IFNLR1: variants seen among roughly 807,000 people sequenced by gnomAD.
The protein encoded by IFNLR1 is interferon lambda receptor 1, also known as CRF2-12.
Under a neutral mutation model 52.5 loss-of-function variants are expected in IFNLR1, and 28 were observed. The observed-to-expected ratio is 0.53, with a 90% CI of 0.40 to 0.73. The LOEUF (loss-of-function observed/expected upper bound fraction) is 0.73, where lower values mean the gene tolerates loss of function less well. Ranked by LOEUF, IFNLR1 falls within the 30% of genes least tolerant of loss-of-function variation. The pLI is 0.00. For synonymous variants in IFNLR1, 276 were observed against 274.9 expected, an observed-to-expected ratio of 1.00 and a Z score of -0.04; for missense variants, 623 against 659.1, an observed-to-expected ratio of 0.95 and a Z score of 0.60.
At chr1:24,176,371 G>A (rs61669188) in intron 2 of IFNLR1, among the ~76,000 whole-genome samples, 14,789 of 152,220 alleles carry the variant, frequency 0.097, 1,989 homozygotes, top group African/African-American at 0.3. Flanking sequence ...GAACTTTCTG[G>A]GGTGATAGAG....
intron 3 of IFNLR1, among the ~76,000 whole-genome samples, chr1:24,167,852 G>A (rs146146614): frequency 0.01 from 1,585 of 151,832 alleles, 34 homozygotes; most frequent in African/African-American, 0.036. Context: ...ACATCATCAC[G>A]CCCAACTAAT....
chr1:24,172,835 A>C (rs986549692), intron 2 of IFNLR1, among the ~76,000 whole-genome samples: 6 of 152,284 alleles, frequency 3.9e-5, no homozygotes, highest in African/African-American at 1.4e-4. Context: ...GTTTCTACTG[A>C]GGCCTCTCTC....
chr1:24,166,019 G>A (rs1644515789), intron 3 of IFNLR1, among the ~76,000 whole-genome samples: 1 of 152,104 alleles, frequency 6.6e-6, no homozygotes, highest in Non-Finnish European at 1.5e-5. Flanking sequence ...ATTCAGGGAG[G>A]AGGCAAAAAA....
At chr1:24,164,507 A>C (rs749891305) in intron 3 of IFNLR1, among the ~76,000 whole-genome samples, 35 of 152,198 alleles carry the variant, frequency 2.3e-4, no homozygotes, top group Admixed American at 7.9e-4. Context: ...TTATTAGATA[A>C]AAGCCAGGTC....
Position 24,157,213 on chromosome 1 carries a change from TGTC to T in IFNLR1, c.1477_1479del (p.Asp493del), listed in dbSNP as rs755784034. On this transcript the variant is annotated inframe_deletion, in exon 7 of 7. Transcript: ENST00000327535. This position sits in a 1 kb window ranked among gnomAD's most constrained non-coding sequence, Gnocchi z 5.1. ...TCAGCCCCCCAGCTGCCCGCATCGCTGTCCTCAATTTCTGATTCCCTCGCCTCC... is the reference window on the plus strand; with the variant it reads ...TCAGCCCCCCAGCTGCCCGCATCGCTCTCAATTTCTGATTCCCTCGCCTCC... 11 of 1,614,072 alleles carry T rather than the reference TGTC, an allele frequency of 6.8e-6. No homozygotes were observed. In the Admixed American group the frequency reaches 1.3e-4, roughly 20 times the overall value.
intron 2 of IFNLR1, among the ~76,000 whole-genome samples, chr1:24,174,796 T>C (rs6662195): frequency 0.054 from 8,237 of 151,960 alleles, 653 homozygotes; most frequent in African/African-American, 0.18. Flanking sequence ...AGAAGAGATA[T>C]ATGAAAAGAA....
intron 2 of IFNLR1, 28 bp downstream of exon 2, chr1:24,180,703 A>G (rs1429010362): frequency 1.1e-5 from 5 of 455,116 alleles, no homozygotes; most frequent in Non-Finnish European, 1.7e-5. Flanking sequence ...CAGTCTTCCC[A>G]TCCACCAGCC....
chr1:24,184,178 G>A (rs576559434), intron 1 of IFNLR1, among the ~76,000 whole-genome samples: 5 of 152,168 alleles, frequency 3.3e-5, no homozygotes, highest in South Asian at 2.1e-4. Flanking sequence ...CTTTGCACAC[G>A]CTGTTCCCTC....
intron 1 of IFNLR1, 53 bp downstream of exon 1, chr1:24,187,138 G>T: frequency 8.2e-7 from 1 of 1,218,088 alleles, no homozygotes; most frequent in Non-Finnish European, 1.1e-6. Context: ...GGTAGGCGCG[G>T]CCCGGCCCGG....
Position 24,158,919 on chromosome 1 carries a change from GAC to G in IFNLR1, c.801+131_801+132del, listed in dbSNP as rs1557641236. 8.7e-5 allele frequency: 84 copies of G among 963,138 alleles called. 1 individual carries two copies. In the East Asian group the frequency reaches 2.0e-3, roughly 23 times the overall value. 59.7% of individuals were successfully genotyped at this position (963,138 alleles called of 1,614,324 possible). Reference sequence around the variant, plus strand: ...ATGCATTACTAATGGTGGAAATTCAGACACAAAGATAGATGTTTTGGTCCAAG... The same window carrying G: ...ATGCATTACTAATGGTGGAAATTCAGACAAAGATAGATGTTTTGGTCCAAG... On this transcript the variant is annotated intron_variant, in intron 6 of 6. Transcript: ENST00000327535.
chr1:24,178,515 T>C (rs1644657463), intron 2 of IFNLR1, among the ~76,000 whole-genome samples: 1 of 152,112 alleles, frequency 6.6e-6, no homozygotes, highest in African/African-American at 2.4e-5. Flanking sequence ...TGGAAAGGTA[T>C]CTGTTAAATC....
intron 1 of IFNLR1, among the ~76,000 whole-genome samples, chr1:24,184,016 C>T (rs1644714559): frequency 1.3e-5 from 2 of 152,172 alleles, no homozygotes; most frequent in African/African-American, 4.8e-5. Context: ...AGGCCTGAGC[C>T]ACTGTGCCTG....
chr1:24,186,948 T>C (rs2148606303), intron 1 of IFNLR1, among the ~76,000 whole-genome samples: 1 of 152,366 alleles, frequency 6.6e-6, no homozygotes, highest in African/African-American at 2.4e-5. Flanking sequence ...TTTTCTCCAG[T>C]TCTCCTGAAG....
chr1:24,175,372 TAAAATC>T (rs958121559), intron 2 of IFNLR1, among the ~76,000 whole-genome samples: 2 of 152,258 alleles, frequency 1.3e-5, no homozygotes, highest in Non-Finnish European at 1.5e-5. Flanking sequence ...TCTTGAAACT[TAAAATC>T]TAATGGAATT....
chr1:24,177,850 T>G (rs954899480), intron 2 of IFNLR1, among the ~76,000 whole-genome samples: 1 of 152,114 alleles, frequency 6.6e-6, no homozygotes, highest in Admixed American at 6.6e-5. Flanking sequence ...TTCTATCATG[T>G]CCCCTGTCCT....
intron 1 of IFNLR1, among the ~76,000 whole-genome samples, chr1:24,181,463 A>G (rs529064048): frequency 1.2e-4 from 18 of 152,272 alleles, no homozygotes; most frequent in South Asian, 8.3e-4. Flanking sequence ...GGATCATTCA[A>G]GCATTTGCCC....
rs368532574 is a variant in IFNLR1, at chr1:24,157,718, G to A, written c.975C>T (p.Asp325=). 1.7e-5 allele frequency: 27 copies of A among 1,613,990 alleles called. No homozygotes were observed. The highest frequency in any genetic ancestry group is 2.7e-5 in the African/African-American group (2 of 74,914). Residue 325 remains aspartate, a synonymous_variant, in exon 7 of 7, where the codon GAC becomes GAT. Coordinates refer to ENST00000327535, the MANE Select transcript of IFNLR1 (RefSeq NM_170743.4). This position sits in a 1 kb window ranked among gnomAD's most constrained non-coding sequence, Gnocchi z 5.1. ...QTRWKKDLAE[D]EEEEDEEDTE... is the part of the protein sequence containing the mutation. ...TGTCCTCCTCATCCTCCTCCTCTTC[G>A]TCCTCTGCAAGGTCCTTCTTCCATC...
intron 2 of IFNLR1, among the ~76,000 whole-genome samples, chr1:24,171,095 C>G (rs1644573822): frequency 6.6e-6 from 1 of 152,182 alleles, no homozygotes; most frequent in Non-Finnish European, 1.5e-5. Flanking sequence ...ATTCCATTCA[C>G]CAGGAAGACA....
intron 3 of IFNLR1, among the ~76,000 whole-genome samples, chr1:24,165,783 G>C (rs937400178): frequency 4.6e-5 from 7 of 152,152 alleles, no homozygotes; most frequent in Non-Finnish European, 4.4e-5. Context: ...CATCCACTGG[G>C]TACTGACTAG....
Sources: gnomAD v4.1 joint callset for allele counts (sites outside exome capture counted in the v4.1 genomes callset) on GRCh38, gnomAD v4.1.1 for gene constraint, Gnocchi (gnomAD v3.1) non-coding constraint, MANE v1.5 for transcripts, NCBI Gene and HGNC (gene_info 2026-07-23, HGNC 2026-07-21) for gene names.